Variants in CHST10 observed in about 807,000 individuals in gnomAD.
CHST10 encodes the protein carbohydrate sulfotransferase 10.
Under a neutral mutation model 34.7 loss-of-function variants are expected in CHST10, and 24 were observed. That is an observed-to-expected ratio of 0.69 (90% confidence interval 0.50 to 0.97). CHST10 has a LOEUF of 0.97. Ranked by LOEUF, CHST10 falls within the 50% of genes least tolerant of loss-of-function variation. The pLI is 0.00. For synonymous variants in CHST10, 161 were observed against 169.3 expected, an observed-to-expected ratio of 0.95 and a Z score of 0.38; for missense variants, 402 against 452.1, an observed-to-expected ratio of 0.89 and a Z score of 1.00.
At chr2:100,404,553 A>G (rs370959980) in intron 3 of CHST10, among the ~76,000 whole-genome samples, 14 of 152,002 alleles carry the variant, frequency 9.2e-5, no homozygotes, top group African/African-American at 2.9e-4. Context: ...CTGCGCCTAC[A>G]CTTGCTTTTT....
chr2:100,406,927 A>G (rs1227081477), intron 2 of CHST10, among the ~76,000 whole-genome samples: 1 of 152,220 alleles, frequency 6.6e-6, no homozygotes, highest in Non-Finnish European at 1.5e-5. Context: ...AGAACACCCT[A>G]ATGGAGAGAC....
At position 100,393,385 on chromosome 2, in the gene CHST10, C is replaced by A. The variant is rs770056570; in HGVS notation, c.931G>T (p.Gly311Cys). 6.2e-7 allele frequency: 1 copy of A among 1,614,066 alleles called. No homozygotes were observed. The highest frequency in any genetic ancestry group is 1.1e-5 in the South Asian group (1 of 91,070). Residue 311 changes from glycine (G) to cysteine (C), a missense_variant, in exon 7 of 7, where the codon GGC becomes TGC. Gly to Cys is a radical substitution (Grantham distance 159). Transcript: ENST00000264249. The stretch of plus-strand genomic sequence containing the variant: ...TTGGTTCTGTTATACACGGTAATGC[C>A]CGGAGGGATAGTCGGGTATGACACC... ...HLVSYPTIPP[G>C]ITVYNRTKVE...
In CHST10 at chr2:100,401,751, C is replaced by A. The variant is rs143485341; in HGVS notation, c.192+813G>T. Among the ~76,000 whole-genome samples, 1,297 of 152,290 alleles carry A rather than the reference C, an allele frequency of 8.5e-3. 5 individuals are homozygous for A. The highest frequency in any genetic ancestry group is 0.018 in the Admixed American group (274 of 15,298). On this transcript the variant is annotated intron_variant, in intron 4 of 6. Coordinates refer to ENST00000264249, the MANE Select transcript of CHST10 (RefSeq NM_004854.5). Reference sequence around the variant, plus strand: ...TCCTACGAGAAGTAACCTCCAGCAGCACTCTACTGACTGGTGTATGTTTTC... The same window carrying A: ...TCCTACGAGAAGTAACCTCCAGCAGAACTCTACTGACTGGTGTATGTTTTC...
At chr2:100,415,651 C>G (rs78342084) in intron 1 of CHST10, 1 of 152,338 alleles carries the variant, frequency 6.6e-6, no homozygotes, top group African/African-American at 2.4e-5. Flanking sequence ...ACATGCAGCA[C>G]GGTCTCTCTC....
rs1382430676 is a variant in CHST10 at position 100,417,620 on chromosome 2, C to A, written c.-350G>T. The stretch of plus-strand genomic sequence containing the variant: ...CCGGCTTTGGGGGCCAGAACGCCGG[C>A]ACCGCCTCACGCGGCCCCCTCGCGC... On this transcript the variant is annotated 5_prime_UTR_variant, in exon 1 of 7. Coordinates refer to ENST00000264249, the MANE Select transcript of CHST10 (RefSeq NM_004854.5). The A allele has an allele frequency of 6.6e-6, 1 of 151,072 alleles. No individual in the cohort carries two copies. The highest frequency in any genetic ancestry group is 1.5e-5 in the Non-Finnish European group (1 of 67,684). 9.4% of individuals were successfully genotyped at this position (151,072 alleles called of 1,614,324 possible). A position where few individuals can be genotyped will look rare whatever the true frequency, so the allele number is the denominator to read the frequency against.
At chr2:100,397,627 G>T (rs1350625528) in intron 5 of CHST10, among the ~76,000 whole-genome samples, 1 of 152,194 alleles carries the variant, frequency 6.6e-6, no homozygotes, top group African/African-American at 2.4e-5. Context: ...AGGGGGGCCT[G>T]GGGGTGGGCG....
intron 2 of CHST10, among the ~76,000 whole-genome samples, chr2:100,413,724 T>C (rs769551286): frequency 1.5e-4 from 23 of 152,182 alleles, no homozygotes; most frequent in Non-Finnish European, 2.8e-4. Flanking sequence ...GCCAGCAGCT[T>C]TTCCCCATGT....
intron 5 of CHST10, among the ~76,000 whole-genome samples, chr2:100,396,258 G>C (rs1675054002): frequency 6.6e-6 from 1 of 152,232 alleles, no homozygotes; most frequent in South Asian, 2.1e-4. Context: ...ATGTCGAGAA[G>C]GCAGGGCCGT....
At chr2:100,406,426 T>A in intron 3 of CHST10, 150 bp downstream of exon 3, 35 of 782,988 alleles carry the variant, frequency 4.5e-5, no homozygotes, top group Non-Finnish European at 6.0e-5. Flanking sequence ...CTCTGTAACA[T>A]GAAGGAACGG....
chr2:100,407,592 A>G (rs1336343272), intron 2 of CHST10: 1 of 152,196 alleles, frequency 6.6e-6, no homozygotes, highest in East Asian at 1.9e-4. Context: ...CTGATGGCAA[A>G]TAATTTCAGA....
Position 100,393,563 on chromosome 2 carries a change from C to G in CHST10, c.753G>C (p.Trp251Cys). ...TGTGGTCCCCAAACTGAAGGTCTAG[C>G]CATCTGTGGTTCGGATCGCCGAGGT... ...VRYLGDPNHR[W>C]LDLQFGDHII... is the part of the protein sequence containing the mutation. The change falls in exon 7 of 7, where the codon TGG (tryptophan) becomes TGC (cysteine). Residue 251 changes from tryptophan to cysteine, a missense_variant. Coordinates refer to ENST00000264249, the MANE Select transcript of CHST10 (RefSeq NM_004854.5). The G allele has an allele frequency of 6.2e-7, 1 of 1,614,126 alleles. No homozygotes were observed.
At chr2:100,398,205 CAG>C (rs1159019365) in intron 4 of CHST10, 63 bp from the exon 5 acceptor site, 18 of 1,178,900 alleles carry the variant, frequency 1.5e-5, no homozygotes, top group Non-Finnish European at 2.2e-5. Flanking sequence ...CCGGGCCAAG[CAG>C]AGCCGCTCCT....
intron 2 of CHST10, among the ~76,000 whole-genome samples, chr2:100,414,015 T>C (rs1675959082): frequency 6.6e-6 from 1 of 152,010 alleles, no homozygotes; most frequent in South Asian, 2.1e-4. Context: ...CTAACAGACA[T>C]AGACGGGCCA....
intron 6 of CHST10, among the ~76,000 whole-genome samples, chr2:100,394,887 C>A (rs1573171162): frequency 8.1e-6 from 1 of 123,424 alleles, no homozygotes; most frequent in Non-Finnish European, 1.9e-5. Context: ...CCACAGCGGG[C>A]TATTTTTTTT....
chr2:100,413,933 C>A (rs1017476097), intron 2 of CHST10, among the ~76,000 whole-genome samples: 4 of 152,162 alleles, frequency 2.6e-5, no homozygotes. Context: ...CCAAAGCCCT[C>A]CTCTGAGCCG....
At chr2:100,405,206 C>T (rs563348734) in intron 3 of CHST10, among the ~76,000 whole-genome samples, 5 of 152,330 alleles carry the variant, frequency 3.3e-5, no homozygotes, top group Middle Eastern at 3.4e-3. Context: ...GCTCTGCTGA[C>T]GGAACCCCGA....
chr2:100,413,899 C>T (rs1349525778), intron 2 of CHST10, among the ~76,000 whole-genome samples: 1 of 152,196 alleles, frequency 6.6e-6, no homozygotes, highest in Non-Finnish European at 1.5e-5. Flanking sequence ...TTTTTCCAGA[C>T]ATTTTTTCAT....
At chr2:100,407,312 G>A (rs998862896) in intron 2 of CHST10, among the ~76,000 whole-genome samples, 21 of 152,314 alleles carry the variant, frequency 1.4e-4, no homozygotes, top group African/African-American at 4.8e-4. Flanking sequence ...TGCTGTCACA[G>A]CCAGGGAGCA....
At chr2:100,400,544 A>C (rs563261040) in intron 4 of CHST10, among the ~76,000 whole-genome samples, 1 of 151,996 alleles carries the variant, frequency 6.6e-6, no homozygotes, top group South Asian at 2.1e-4. Context: ...CCAGCTAAAG[A>C]AAAAAGATTT....
Sources: gnomAD v4.1 joint callset for allele counts (sites outside exome capture counted in the v4.1 genomes callset) on GRCh38, gnomAD v4.1.1 for gene constraint, MANE v1.5 for transcripts, NCBI Gene and HGNC (gene_info 2026-07-23, HGNC 2026-07-21) for gene names.